PDE10A: variants seen among roughly 807,000 people sequenced by gnomAD.
The protein encoded by PDE10A is phosphodiesterase 10A.
A neutral mutation model predicts 97.7 loss-of-function variants in PDE10A; 39 were observed. The observed-to-expected ratio is 0.40, with a 90% CI of 0.31 to 0.52. The LOEUF (loss-of-function observed/expected upper bound fraction) is 0.52. Among genes scored for constraint, PDE10A ranks in the 20% least tolerant of loss-of-function variants. PDE10A has a pLI of 0.56. For synonymous variants in PDE10A, 371 were observed against 376.8 expected, an observed-to-expected ratio of 0.98 and a Z score of 0.18; for missense variants, 731 against 1,047.8, an observed-to-expected ratio of 0.70 and a Z score of 4.17.
At chr6:165,379,428 T>C (rs569433362) in intron 17 of PDE10A, 62 bp from the exon 18 acceptor site, 48 of 1,324,144 alleles carry the variant, frequency 3.6e-5, no homozygotes, top group South Asian at 1.7e-4. Context: ...CTTATGACAT[T>C]TTTAGTTATT....
chr6:165,848,844 C>G (rs1052898669), intron 1 of PDE10A, among the ~76,000 whole-genome samples: 2 of 152,102 alleles, frequency 1.3e-5, no homozygotes, highest in South Asian at 2.1e-4. Context: ...GGGGGCCCCA[C>G]GGGATCTGAT....
chr6:165,511,106 A>G (rs1170244201), intron 2 of PDE10A, among the ~76,000 whole-genome samples: 1 of 151,684 alleles, frequency 6.6e-6, no homozygotes. Context: ...AGTTCCTTGC[A>G]GTGTATCATT....
chr6:165,756,969 G>C (rs1338510387), intron 1 of PDE10A, among the ~76,000 whole-genome samples: 6 of 112,834 alleles, frequency 5.3e-5, no homozygotes, highest in Non-Finnish European at 1.1e-4. Context: ...CCATTAGGAT[G>C]CTATTTTTTT....
chr6:165,908,649 C>T (rs369497006), intron 1 of PDE10A, among the ~76,000 whole-genome samples: 2 of 152,290 alleles, frequency 1.3e-5, no homozygotes, highest in African/African-American at 4.8e-5. Flanking sequence ...AGTGGGCACT[C>T]CAGATGCCGC....
At chr6:165,597,699 C>A (rs1419758182) in intron 1 of PDE10A, among the ~76,000 whole-genome samples, 1 of 152,196 alleles carries the variant, frequency 6.6e-6, no homozygotes, top group East Asian at 1.9e-4. Flanking sequence ...CCAGTTAGTT[C>A]TTTTCCAGAT....
intron 1 of PDE10A, among the ~76,000 whole-genome samples, chr6:165,831,478 C>CTTTTTTTTTTTT (rs200237321): frequency 4.6e-4 from 62 of 133,830 alleles, no homozygotes; most frequent in Admixed American, 9.0e-4. Context: ...TTGCAGGAGT[C>CTTTTTTTTTTTT]TTTTTTTTTT....
At chr6:165,978,169 C>T (rs976411494) in intron 1 of PDE10A, among the ~76,000 whole-genome samples, 4 of 152,184 alleles carry the variant, frequency 2.6e-5, no homozygotes, top group Admixed American at 1.3e-4. Context: ...TTAAAATCCA[C>T]TGAGCTTTTC....
At chr6:165,552,536 C>T (rs1460856255) in intron 1 of PDE10A, among the ~76,000 whole-genome samples, 2 of 152,192 alleles carry the variant, frequency 1.3e-5, no homozygotes, top group South Asian at 2.1e-4. Flanking sequence ...ACCTGACCAA[C>T]CCCCAATAAG....
intron 1 of PDE10A, among the ~76,000 whole-genome samples, chr6:165,659,248 G>A (rs1290268205): frequency 6.6e-6 from 1 of 151,756 alleles, no homozygotes; most frequent in Non-Finnish European, 1.5e-5. Context: ...GTGACAACTT[G>A]CATATCAGAC....
intron 1 of PDE10A, among the ~76,000 whole-genome samples, chr6:165,764,844 G>A (rs1294476947): frequency 6.6e-6 from 1 of 152,180 alleles, no homozygotes; most frequent in Non-Finnish European, 1.5e-5. Flanking sequence ...GCCACTGCTG[G>A]CTCGGGCAGC....
chr6:165,876,683 C>T (rs1265117176), intron 1 of PDE10A, among the ~76,000 whole-genome samples: 1 of 152,226 alleles, frequency 6.6e-6, no homozygotes, highest in Non-Finnish European at 1.5e-5. Context: ...TAAAAACCTG[C>T]AGCCTCCCAG....
chr6:165,578,699 GCATAATATAA>G (rs1785450883), intron 1 of PDE10A, among the ~76,000 whole-genome samples: 1 of 151,996 alleles, frequency 6.6e-6, no homozygotes, highest in Non-Finnish European at 1.5e-5. Context: ...TTCTTACATG[GCATAATATAA>G]AGTCCGTCTC....
At chr6:165,799,182 CCT>C (rs1455518099) in intron 1 of PDE10A, among the ~76,000 whole-genome samples, 3 of 152,146 alleles carry the variant, frequency 2.0e-5, no homozygotes, top group Non-Finnish European at 2.9e-5. Flanking sequence ...AAAGCCCACC[CCT>C]GATGTGGAGC....
intron 2 of PDE10A, among the ~76,000 whole-genome samples, chr6:165,534,132 T>A (rs1782940995): frequency 6.6e-6 from 1 of 151,588 alleles, no homozygotes; most frequent in African/African-American, 2.4e-5. Context: ...CCACAGAAAT[T>A]TAAAGGATCA....
intron 1 of PDE10A, among the ~76,000 whole-genome samples, chr6:165,792,060 A>G (rs1180328404): frequency 6.6e-6 from 1 of 152,116 alleles, no homozygotes; most frequent in Non-Finnish European, 1.5e-5. Flanking sequence ...CCTGCCGGTC[A>G]TGGCTCCTGC....
At chr6:165,934,885 G>C (rs1258001218) in intron 1 of PDE10A, among the ~76,000 whole-genome samples, 2 of 152,208 alleles carry the variant, frequency 1.3e-5, no homozygotes, top group African/African-American at 2.4e-5. Context: ...AGTGTCAACT[G>C]TCAACTGTAA....
chr6:165,596,128 AT>A (rs1392661303), intron 1 of PDE10A, among the ~76,000 whole-genome samples: 26 of 79,172 alleles, frequency 3.3e-4, no homozygotes, highest in African/African-American at 2.1e-3. Context: ...CCTAAACCTG[AT>A]GATCCTCCAT....
At position 165,924,331 on chromosome 6, in the gene PDE10A, T is replaced by A. The variant is rs547736361; in HGVS notation, c.-615+63198A>T. On this transcript the variant is annotated intron_variant, in intron 1 of 19. Coordinates refer to the PDE10A transcript ENST00000366882. ...TAAAATTCATGGTCTCCATGTTGGA[T>A]AGAAGATCTCCCTCTGTGTGTACAG... 2.6e-5 allele frequency among the ~76,000 whole-genome samples: 4 copies of A among 152,310 alleles called. No individual in the cohort carries two copies. The South Asian group carries it at 8.3e-4, about 32-fold the overall frequency.
intron 1 of PDE10A, among the ~76,000 whole-genome samples, chr6:165,956,411 A>T (rs1221841686): frequency 6.6e-6 from 1 of 152,178 alleles, no homozygotes; most frequent in African/African-American, 2.4e-5. Context: ...AATTCTTCCA[A>T]GTGGGTCTAA....
Sources: gnomAD v4.1 joint callset for allele counts (sites outside exome capture counted in the v4.1 genomes callset) on GRCh38, gnomAD v4.1.1 for gene constraint, MANE v1.5 for transcripts, NCBI Gene and HGNC (gene_info 2026-07-23, HGNC 2026-07-21) for gene names.